IL16: variants seen among roughly 807,000 people sequenced by gnomAD.
The protein encoded by IL16 is pro-interleukin-16.
In IL16, 67 loss-of-function variants were observed where a neutral mutation model predicts 110.1. That is an observed-to-expected ratio of 0.61 (90% CI 0.50 to 0.75). IL16 has a LOEUF of 0.75. Ranked by LOEUF, IL16 falls within the 30% of genes least tolerant of loss-of-function variation. The pLI is 0.00. For missense variants in IL16, 1,545 were observed against 1,655.0 expected (o/e 0.93, Z 1.15); for synonymous variants, 689 against 662.9 (o/e 1.04, Z -0.61).
chr15:81,252,218 A>G (rs1224560243), intron 2 of IL16, among the ~76,000 whole-genome samples: 1 of 152,202 alleles, frequency 6.6e-6, no homozygotes, highest in African/African-American at 2.4e-5. Context: ...TGGACTAACA[A>G]AGTGCAATGG....
Position 81,308,903 on chromosome 15 carries a change from G to A in IL16, c.*105G>A. 1 of 996,932 alleles carries A rather than the reference G, an allele frequency of 1.0e-6. No individual in the cohort carries two copies. Among genetic ancestry groups the A allele is most frequent in the Admixed American group, 2.9e-5 (1 of 35,030 alleles). 61.8% of individuals were successfully genotyped at this position (996,932 alleles called of 1,614,324 possible). On this transcript the variant is annotated 3_prime_UTR_variant, in exon 19 of 19. Coordinates refer to ENST00000683961, the MANE Select transcript of IL16 (RefSeq NM_172217.5). ...TGCCGCCCCACCCAGATGGGGGAAAGCACAGGTGGGCTTCCCAGTGGCTGC... is the reference window on the plus strand; with the variant it reads ...TGCCGCCCCACCCAGATGGGGGAAAACACAGGTGGGCTTCCCAGTGGCTGC...
intron 12 of IL16, chr15:81,295,523 G>T: frequency 7.8e-7 from 1 of 1,288,352 alleles, no homozygotes. Flanking sequence ...CCAACCAGGT[G>T]AAATTAAATT....
At chr15:81,215,876 TC>T (rs1896409611) in intron 1 of IL16, among the ~76,000 whole-genome samples, 1 of 152,176 alleles carries the variant, frequency 6.6e-6, no homozygotes, top group African/African-American at 2.4e-5. Flanking sequence ...TCTGTCTGAA[TC>T]CATGGTTGGA....
At chr15:81,186,963 A>G (rs1051019469) in intron 1 of IL16, among the ~76,000 whole-genome samples, 1 of 152,148 alleles carries the variant, frequency 6.6e-6, no homozygotes, top group African/African-American at 2.4e-5. Context: ...CTGGCTATCC[A>G]TCTCATTTTT....
At chr15:81,227,236 G>A (rs988437912) in intron 2 of IL16, among the ~76,000 whole-genome samples, 1 of 151,914 alleles carries the variant, frequency 6.6e-6, no homozygotes, top group Non-Finnish European at 1.5e-5. Context: ...TCTGATTTGG[G>A]GATATAGATA....
chr15:81,196,888 C>A lies in IL16; in HGVS notation c.-366C>A. 3 of 1,173,184 alleles carry A rather than the reference C, an allele frequency of 2.6e-6. No homozygotes were observed. Among genetic ancestry groups the A allele is most frequent in the Non-Finnish European group, 3.2e-6 (3 of 934,474 alleles). 72.7% of individuals were successfully genotyped at this position (1,173,184 alleles called of 1,614,324 possible). A position where few individuals can be genotyped will look rare whatever the true frequency, so the allele number is the denominator to read the frequency against. On this transcript the variant is annotated 5_prime_UTR_variant, in exon 1 of 19. It adds an upstream start codon to the 5' untranslated region. Transcript: ENST00000683961. ...CCATGCCAGGTGGGACACATTTGTC[C>A]TGAGTCACCTGTCCAGAGCAGGTGG...
chr15:81,206,411 T>G (rs1896018531), intron 1 of IL16, among the ~76,000 whole-genome samples: 1 of 152,246 alleles, frequency 6.6e-6, no homozygotes, highest in South Asian at 2.1e-4. Flanking sequence ...TTTAATCTTA[T>G]GGGACCACTA....
intron 5 of IL16, among the ~76,000 whole-genome samples, chr15:81,270,001 T>C (rs1007155216): frequency 6.6e-6 from 1 of 152,238 alleles, no homozygotes; most frequent in Non-Finnish European, 1.5e-5. Flanking sequence ...GATCCTGAGT[T>C]TACCTCTGCC....
rs1458814449 is a variant in IL16 at position 81,311,605 on chromosome 15, G to A, written c.*2807G>A. 1 of 152,240 alleles carries A rather than the reference G, an allele frequency of 6.6e-6. No individual in the cohort carries two copies. Among genetic ancestry groups the A allele is most frequent in the Non-Finnish European group, 1.5e-5 (1 of 68,086 alleles). The allele number at this position is 152,240 out of a possible 1,614,324, so 9.4% of individuals were successfully genotyped here. A position where few individuals can be genotyped will look rare whatever the true frequency, so the allele number is the denominator to read the frequency against. On this transcript the variant is annotated 3_prime_UTR_variant, in exon 19 of 19. Transcript: ENST00000683961. Reference sequence around the variant, plus strand: ...CACTTGGCTACACAGGGATGTACAAGGCGATCCCATCTTGATAAGACCACC... The same window carrying A: ...CACTTGGCTACACAGGGATGTACAAAGCGATCCCATCTTGATAAGACCACC...
At chr15:81,235,596 G>A (rs1897153940) in intron 2 of IL16, among the ~76,000 whole-genome samples, 1 of 152,120 alleles carries the variant, frequency 6.6e-6, no homozygotes, top group Non-Finnish European at 1.5e-5. Context: ...TGTATCAGGG[G>A]CACAAGCTCT....
intron 9 of IL16, among the ~76,000 whole-genome samples, chr15:81,283,145 G>A (rs1019805828): frequency 3.3e-5 from 5 of 152,318 alleles, no homozygotes; most frequent in South Asian, 2.1e-4. Context: ...GGACCAGACC[G>A]AGGTGGGGCG....
At chr15:81,297,917 T>C (rs1172814660) in intron 13 of IL16, among the ~76,000 whole-genome samples, 2 of 152,198 alleles carry the variant, frequency 1.3e-5, no homozygotes, top group African/African-American at 2.4e-5. Context: ...GAAAAGCTCA[T>C]GAAAGACTTT....
chr15:81,203,782 T>G (rs1034980672), intron 1 of IL16, among the ~76,000 whole-genome samples: 65 of 152,334 alleles, frequency 4.3e-4, no homozygotes, highest in African/African-American at 1.5e-3. Flanking sequence ...TTCTTTTGGC[T>G]TAGGATTGAC....
chr15:81,245,273 C>A (rs540551208), intron 2 of IL16, among the ~76,000 whole-genome samples: 124 of 152,274 alleles, frequency 8.1e-4, no homozygotes, highest in African/African-American at 2.9e-3. Context: ...CTTATTCAAA[C>A]CTTCCATTTT....
chr15:81,235,151 T>C (rs958806432), intron 2 of IL16, among the ~76,000 whole-genome samples: 14 of 152,214 alleles, frequency 9.2e-5, no homozygotes, highest in Admixed American at 7.8e-4. Flanking sequence ...TGATTCTCCA[T>C]TGATAGCACA....
intron 1 of IL16, among the ~76,000 whole-genome samples, chr15:81,205,213 G>A (rs867142593): frequency 2.0e-5 from 3 of 151,866 alleles, no homozygotes; most frequent in South Asian, 2.1e-4. Context: ...GGCTAAGGCA[G>A]GAGAATGGCT....
intron 1 of IL16, among the ~76,000 whole-genome samples, chr15:81,209,778 C>G (rs1456636193): frequency 1.3e-5 from 2 of 152,208 alleles, no homozygotes; most frequent in Non-Finnish European, 2.9e-5. Context: ...CCTGCCTCCC[C>G]TCGCCAGTGG....
intron 1 of IL16, among the ~76,000 whole-genome samples, chr15:81,185,444 C>T (rs1430470855): frequency 1.3e-5 from 2 of 151,330 alleles, no homozygotes; most frequent in East Asian, 2.0e-4. Context: ...TGGCCTCAAC[C>T]TCCTGGGTTC....
intron 1 of IL16, among the ~76,000 whole-genome samples, chr15:81,217,744 T>A (rs189080552): frequency 6.6e-4 from 100 of 152,330 alleles, no homozygotes; most frequent in African/African-American, 2.3e-3. Flanking sequence ...AGGCATTAGT[T>A]TATTTCTTCA....
Sources: gnomAD v4.1 joint callset for allele counts (sites outside exome capture counted in the v4.1 genomes callset) on GRCh38, gnomAD v4.1.1 for gene constraint, MANE v1.5 for transcripts, NCBI Gene and HGNC (gene_info 2026-07-23, HGNC 2026-07-21) for gene names.